The following GPR63 variants were observed in gnomAD, a reference collection of about 807,000 sequenced individuals.
GPR63 encodes the protein probable G protein-coupled receptor 63.
Under a neutral mutation model 23.1 loss-of-function variants are expected in GPR63, and 12 were observed. That is an observed-to-expected ratio of 0.52 (90% CI 0.33 to 0.84). The LOEUF (loss-of-function observed/expected upper bound fraction) is 0.84. GPR63 is among the 40% of genes least tolerant of loss of function. The pLI is 0.02. For synonymous variants in GPR63, 172 were observed against 191.1 expected, an observed-to-expected ratio of 0.90 and a Z score of 0.82; for missense variants, 472 against 515.6, an observed-to-expected ratio of 0.92 and a Z score of 0.82.
intron 1 of GPR63, among the ~76,000 whole-genome samples, chr6:96,829,439 T>A (rs1774524614): frequency 6.6e-6 from 1 of 152,112 alleles, no homozygotes; most frequent in African/African-American, 2.4e-5. Flanking sequence ...ATGCCTGGAA[T>A]CCCCACACTT....
chr6:96,826,324 A>T (rs1364975091), intron 1 of GPR63, among the ~76,000 whole-genome samples: 1 of 152,170 alleles, frequency 6.6e-6, no homozygotes, highest in Non-Finnish European at 1.5e-5. Context: ...TTTCTAAAAA[A>T]TAAAATACAA....
rs373195543 is a variant in GPR63, at chr6:96,799,038, C to G, written c.694G>C (p.Gly232Arg). The change falls in exon 2 of 2, where the codon GGG (glycine) becomes CGG (arginine). Residue 232 changes from glycine to arginine, a missense_variant. Gly to Arg is a moderately radical substitution (Grantham distance 125). Coordinates refer to ENST00000229955, the MANE Select transcript of GPR63 (RefSeq NM_030784.4). ...TGGTAGCCTGGATTGGTTGTGTACC[C>G]AAACACACACTGGGGAGCTCGGGAA... is the stretch of plus-strand genomic sequence containing the variant. ...IPSRAPQCVF[G>R]YTTNPGYQAY... 42 of 1,613,982 alleles carry G rather than the reference C, an allele frequency of 2.6e-5. No individual in the cohort carries two copies. The highest frequency in any genetic ancestry group is 3.6e-5 in the Non-Finnish European group (42 of 1,180,004).
chr6:96,809,715 T>A (rs1773990898), intron 1 of GPR63, among the ~76,000 whole-genome samples: 1 of 152,210 alleles, frequency 6.6e-6, no homozygotes, highest in Non-Finnish European at 1.5e-5. Context: ...AAGCTTTTCC[T>A]AAATTATCTT....
intron 1 of GPR63, among the ~76,000 whole-genome samples, chr6:96,816,511 A>T: frequency 6.6e-6 from 1 of 152,226 alleles, no homozygotes; most frequent in East Asian, 1.9e-4. Context: ...ATCTCTTTGA[A>T]GACATCTGAG....
chr6:96,819,075 T>G (rs1439300861), intron 1 of GPR63, among the ~76,000 whole-genome samples: 1 of 152,236 alleles, frequency 6.6e-6, no homozygotes, highest in Non-Finnish European at 1.5e-5. Context: ...TTGGTGGCAG[T>G]GTAAATTAGT....
intron 1 of GPR63, among the ~76,000 whole-genome samples, chr6:96,822,889 G>A (rs1562123793): frequency 6.6e-6 from 1 of 152,182 alleles, no homozygotes; most frequent in Non-Finnish European, 1.5e-5. Context: ...ACTGTTTAAT[G>A]ACATTTTAGC....
chr6:96,835,708 T>C (rs1774709309), intron 1 of GPR63, among the ~76,000 whole-genome samples: 2 of 152,184 alleles, frequency 1.3e-5, no homozygotes, highest in African/African-American at 4.8e-5. Flanking sequence ...GGTTCTTTTT[T>C]TGAGTTTCGG....
intron 1 of GPR63, among the ~76,000 whole-genome samples, chr6:96,823,976 C>T (rs1480326889): frequency 6.6e-6 from 1 of 152,044 alleles, no homozygotes; most frequent in East Asian, 1.9e-4. Flanking sequence ...GAAGAAATTG[C>T]CTCATGACTC....
chr6:96,826,227 A>G (rs1774435169), intron 1 of GPR63, among the ~76,000 whole-genome samples: 2 of 152,142 alleles, frequency 1.3e-5, no homozygotes, highest in African/African-American at 4.8e-5. Flanking sequence ...GCCTAGATAT[A>G]TGAAGGAACA....
chr6:96,832,973 T>C (rs1366212590), intron 1 of GPR63, among the ~76,000 whole-genome samples: 1 of 152,142 alleles, frequency 6.6e-6, no homozygotes, highest in African/African-American at 2.4e-5. Flanking sequence ...AAGAAATGAA[T>C]AATGCAAAAG....
At chr6:96,801,871 A>G (rs1345786999) in intron 1 of GPR63, among the ~76,000 whole-genome samples, 1 of 152,156 alleles carries the variant, frequency 6.6e-6, no homozygotes, top group Non-Finnish European at 1.5e-5. Context: ...GGCCAGTGGG[A>G]AGAGAGCAGT....
chr6:96,816,999 G>A (rs574134483), intron 1 of GPR63, among the ~76,000 whole-genome samples: 3 of 152,092 alleles, frequency 2.0e-5, no homozygotes, highest in Non-Finnish European at 4.4e-5. Context: ...GATGTCAAAA[G>A]CACTGGCTAT....
chr6:96,806,340 C>CTAGCTGGCTT (rs1289137456), intron 1 of GPR63, among the ~76,000 whole-genome samples: 1 of 152,216 alleles, frequency 6.6e-6, no homozygotes, highest in Non-Finnish European at 1.5e-5. Context: ...GACACAGCAT[C>CTAGCTGGCTT]TAGCTGGCTT....
At chr6:96,802,420 G>A (rs1211459117) in intron 1 of GPR63, among the ~76,000 whole-genome samples, 3 of 151,816 alleles carry the variant, frequency 2.0e-5, no homozygotes, top group Admixed American at 2.0e-4. Flanking sequence ...ACTGACCACA[G>A]TCCACATCCC....
At chr6:96,826,940 C>G (rs960286127) in intron 1 of GPR63, among the ~76,000 whole-genome samples, 3 of 151,424 alleles carry the variant, frequency 2.0e-5, no homozygotes, top group Admixed American at 6.6e-5. Flanking sequence ...CAGTACAGCA[C>G]CCAAGCTAGC....
At chr6:96,811,286 T>C (rs755420852) in intron 1 of GPR63, among the ~76,000 whole-genome samples, 1 of 152,218 alleles carries the variant, frequency 6.6e-6, no homozygotes, top group Non-Finnish European at 1.5e-5. Context: ...AAACAGAAAC[T>C]GGCTGCTGGG....
intron 1 of GPR63, among the ~76,000 whole-genome samples, chr6:96,828,067 G>A (rs1285494874): frequency 6.6e-6 from 1 of 152,140 alleles, no homozygotes; most frequent in Non-Finnish European, 1.5e-5. Flanking sequence ...CAAGTTGGAG[G>A]AAGGTATCAT....
chr6:96,804,616 C>T (rs1044083556), intron 1 of GPR63, among the ~76,000 whole-genome samples: 2 of 152,018 alleles, frequency 1.3e-5, no homozygotes, highest in Admixed American at 6.6e-5. Flanking sequence ...CTTCACCACC[C>T]CATTCCTGTT....
chr6:96,812,584 AT>A (rs1001288541), intron 1 of GPR63, among the ~76,000 whole-genome samples: 5 of 152,176 alleles, frequency 3.3e-5, no homozygotes, highest in African/African-American at 1.2e-4. Context: ...TTAAAAATGT[AT>A]TTTTAAGTGG....
Sources: allele counts gnomAD v4.1 joint callset (sites outside exome capture counted in the v4.1 genomes callset), GRCh38; gene constraint gnomAD v4.1.1; transcripts MANE v1.5; gene names NCBI Gene and HGNC (gene_info 2026-07-23, HGNC 2026-07-21).